The following WNK2 variants were observed in gnomAD, a reference collection of about 807,000 sequenced individuals.
The protein encoded by WNK2 is serine/threonine-protein kinase WNK2.
WNK2 carries 67 observed loss-of-function variants against 192.1 expected under a neutral mutation model. The observed-to-expected ratio is 0.35, with a 90% confidence interval of 0.29 to 0.43. WNK2 has a LOEUF of 0.43. WNK2 is among the 20% of genes least tolerant of loss of function. The pLI, the probability that WNK2 is intolerant of heterozygous loss-of-function variation, is 1.00. For missense variants in WNK2, 2,698 were observed against 3,089.7 expected (o/e 0.87, Z 3.01); for synonymous variants, 1,439 against 1,393.9 (o/e 1.03, Z -0.72).
chr9:93,262,866 G>A (rs1242608042), intron 14 of WNK2, 147 bp downstream of exon 14: 19 of 825,930 alleles, frequency 2.3e-5, no homozygotes, highest in Non-Finnish European at 3.7e-5. Context: ...CTGACCTGGT[G>A]GAGCCTCAGG....
Position 93,293,056 on chromosome 9 carries a change from A to G in WNK2, c.5591A>G (p.Lys1864Arg), listed in dbSNP as rs188338668. The G allele has an allele frequency of 1.4e-4, 218 of 1,610,446 alleles. 2 individuals are homozygous for G. The East Asian group carries it at 4.4e-3, about 33-fold the overall frequency. Residue 1864 changes from lysine to arginine, a missense_variant, in exon 23 of 30, where the codon AAG (lysine) becomes AGG (arginine). Lys to Arg is a conservative substitution (Grantham distance 26). This residue lies in a region of WNK2 where 1,098 missense variants were observed against 1,101.0 expected (regional missense o/e 1.00). Coordinates refer to ENST00000427277, the MANE Select transcript of WNK2 (RefSeq NM_006648.4). ...GAGACACCCAGCAGGGTGGGCATGA[A>G]GGTCCCCACGATCAGCGTGACCTCC... is the stretch of plus-strand genomic sequence containing the variant. ...GPETPSRVGM[K>R]VPTISVTSFH...
intron 2 of WNK2, among the ~76,000 whole-genome samples, chr9:93,217,855 G>A (rs1408342659): frequency 6.6e-6 from 1 of 151,932 alleles, no homozygotes; most frequent in African/African-American, 2.4e-5. Context: ...GTGATAGCTT[G>A]GGCCACCTAG....
At chr9:93,230,324 C>A (rs1339826108) in intron 3 of WNK2, among the ~76,000 whole-genome samples, 1 of 152,138 alleles carries the variant, frequency 6.6e-6, no homozygotes, top group African/African-American at 2.4e-5. Flanking sequence ...CTGGACCCTG[C>A]AGCCTTGGGC....
rs1382336804 is a variant in WNK2, at chr9:93,257,487, C to T, written c.2382+348C>T. Among the ~76,000 whole-genome samples, 1 of 152,196 alleles carries T rather than the reference C, an allele frequency of 6.6e-6. No individual in the cohort carries two copies. The highest frequency in any genetic ancestry group is 1.5e-5 in the Non-Finnish European group (1 of 68,014). ...GGGGTCCTTCAGGGAGGGCGGGCAGCCCAGTACCCCATCACCTGGCACCCT... is the reference window on the plus strand; with the variant it reads ...GGGGTCCTTCAGGGAGGGCGGGCAGTCCAGTACCCCATCACCTGGCACCCT... On this transcript the variant is annotated intron_variant, in intron 11 of 29. Transcript: ENST00000427277. The surrounding 1 kb of genome is among the most constrained non-coding windows in gnomAD (Gnocchi z 4.7).
chr9:93,241,042 T>C (rs906376412), intron 7 of WNK2, among the ~76,000 whole-genome samples: 2 of 152,168 alleles, frequency 1.3e-5, no homozygotes, highest in African/African-American at 4.8e-5. Context: ...GGATAGGGCA[T>C]GTTTGCTGGG....
intron 2 of WNK2, among the ~76,000 whole-genome samples, chr9:93,186,058 C>G (rs1423033456): frequency 2.6e-5 from 4 of 152,136 alleles, no homozygotes; most frequent in Non-Finnish European, 4.4e-5. Flanking sequence ...GTTTTGGGGG[C>G]TCTGGGCTGC....
chr9:93,233,435 C>T (rs1839241050), intron 4 of WNK2, among the ~76,000 whole-genome samples: 1 of 152,090 alleles, frequency 6.6e-6, no homozygotes, highest in African/African-American at 2.4e-5. Flanking sequence ...GTGACTCACA[C>T]CTCTAATCCC....
In WNK2 at chr9:93,307,087, C is replaced by A. The variant is rs932466320; in HGVS notation, c.6259+266C>A. On this transcript the variant is annotated intron_variant, in intron 27 of 29. Coordinates refer to ENST00000427277, the MANE Select transcript of WNK2 (RefSeq NM_006648.4). ...CGGGCTTATCCTTCCCCGGAACACC[C>A]GCAAATTGCCGATCATTAATTGGCT... 9.4e-6 allele frequency: 5 copies of A among 531,968 alleles called. No homozygotes were observed. The East Asian group carries it at 9.7e-5, about 10-fold the overall frequency. 33.0% of individuals were successfully genotyped at this position (531,968 alleles called of 1,614,324 possible). A position where few individuals can be genotyped will look rare whatever the true frequency, so the allele number is the denominator to read the frequency against.
At position 93,185,629 on chromosome 9, in the gene WNK2, G is replaced by A. The variant is rs764889057; in HGVS notation, c.681+19G>A. On this transcript the variant is annotated intron_variant, in intron 2 of 29. Transcript: ENST00000427277. Reference sequence around the variant, plus strand: ...GCTGCAGGTGAGGGTGCCCCAGCCCGCAGGGGGCTTTCCGCAGGGTCTGTC... The same window carrying A: ...GCTGCAGGTGAGGGTGCCCCAGCCCACAGGGGGCTTTCCGCAGGGTCTGTC... The A allele has an allele frequency of 6.3e-7, 1 of 1,599,174 alleles. No homozygotes were observed.
At chr9:93,299,328 A>T (rs1851183217) in intron 25 of WNK2, 67 bp downstream of exon 25, 1 of 1,499,660 alleles carries the variant, frequency 6.7e-7, no homozygotes, top group East Asian at 2.4e-5. Context: ...TGTCCCCAGG[A>T]GCACGCCCGT....
chr9:93,290,080 A>G (rs747387785), intron 21 of WNK2, 33 bp downstream of exon 21: 71 of 1,548,644 alleles, frequency 4.6e-5, no homozygotes, highest in Non-Finnish European at 5.3e-5. Flanking sequence ...TGCGTTCACA[A>G]GGTGCTGCCT....
Position 93,289,449 on chromosome 9 carries a change from G to T in WNK2, c.4695G>T (p.Val1565=). 2 of 1,612,798 alleles carry T rather than the reference G, an allele frequency of 1.2e-6. No individual in the cohort carries two copies. Among genetic ancestry groups the T allele is most frequent in the Non-Finnish European group, 1.7e-6 (2 of 1,179,656 alleles). Residue 1565 remains valine, a synonymous_variant, in exon 20 of 30, where the codon GTG becomes GTT. Transcript: ENST00000427277. ...GGACTCTGCTCTACCAGGAGCACGT[G>T]CCCACCTCCTCAGCCTCAGCTGGGA... ...KLRTLLYQEH[V]PTSSASAGTP...
In WNK2 at chr9:93,289,336, C is replaced by T; in HGVS notation, c.4582C>T (p.Pro1528Ser). 6.2e-7 allele frequency: 1 copy of T among 1,605,854 alleles called. No individual in the cohort carries two copies. Among genetic ancestry groups the T allele is most frequent in the Non-Finnish European group, 8.5e-7 (1 of 1,176,548 alleles). ...PLGPTVPPQP[P>S]SALESDGEGP... ...GGGGCCCACCGTCCCCCCACAGCCA[C>T]CCTCGGCCCTGGAGTCGGATGGGGA... The change falls in exon 20 of 30, where the codon CCC becomes TCC. Residue 1528 changes from proline (P) to serine (S), a missense_variant. Coordinates refer to ENST00000427277, the MANE Select transcript of WNK2 (RefSeq NM_006648.4).
At chr9:93,317,232 T>G in intron 28 of WNK2, 1 of 539,326 alleles carries the variant, frequency 1.9e-6, no homozygotes, top group East Asian at 3.2e-5. Flanking sequence ...GCCCTCAGGG[T>G]CCAGGCCCCA....
intron 2 of WNK2, among the ~76,000 whole-genome samples, chr9:93,205,807 C>T (rs144647636): frequency 6.6e-4 from 101 of 152,202 alleles, no homozygotes; most frequent in African/African-American, 2.3e-3. Context: ...AGTGCAGGGT[C>T]CTCCGAATGT....
chr9:93,320,284 T>C (rs1855300754), intron 29 of WNK2, 83 bp from the exon 30 acceptor site: 2 of 1,354,048 alleles, frequency 1.5e-6, no homozygotes, highest in Admixed American at 1.9e-5. Flanking sequence ...CGGCAGCTCC[T>C]GGGAGGGTGT....
At chr9:93,194,383 TA>T (rs143236973) in intron 2 of WNK2, among the ~76,000 whole-genome samples, 2,078 of 152,104 alleles carry the variant, frequency 0.014, 48 homozygotes, top group African/African-American at 0.048. Context: ...AACAATCAGC[TA>T]AAAAAATAGG....
rs1364311841 is a variant in WNK2 at position 93,247,114 on chromosome 9, C to T, written c.1543-429C>T. On this transcript the variant is annotated intron_variant, in intron 7 of 29. Coordinates refer to ENST00000427277, the MANE Select transcript of WNK2 (RefSeq NM_006648.4). This position sits in a 1 kb window ranked among gnomAD's most constrained non-coding sequence, Gnocchi z 5.2. ...CCTCCATCTGCAACTCGGGTGTGGC[C>T]CCGTTCCCCATCTTTGGGCAGCCCC... Among the ~76,000 whole-genome samples the T allele has an allele frequency of 6.6e-6, 1 of 152,196 alleles. No individual in the cohort carries two copies. Among genetic ancestry groups the T allele is most frequent in the Non-Finnish European group, 1.5e-5 (1 of 68,036 alleles).
chr9:93,304,710 C>T (rs1467598620), intron 26 of WNK2, among the ~76,000 whole-genome samples: 1 of 152,162 alleles, frequency 6.6e-6, no homozygotes. Context: ...CAATCGAGGC[C>T]GAGGCTCTGG....
Sources: gnomAD v4.1 joint callset for allele counts (sites outside exome capture counted in the v4.1 genomes callset) on GRCh38, gnomAD v4.1.1 for gene constraint, gnomAD v4.1.1 regional missense constraint, Gnocchi (gnomAD v3.1) non-coding constraint, MANE v1.5 for transcripts, NCBI Gene and HGNC (gene_info 2026-07-23, HGNC 2026-07-21) for gene names.